CRISPLD2: variants seen among roughly 807,000 people sequenced by gnomAD.
CRISPLD2 encodes cysteine-rich secretory protein LCCL domain-containing 2.
A neutral mutation model predicts 71.1 loss-of-function variants in CRISPLD2; 47 were observed. The ratio of observed to expected loss-of-function variants is 0.66; its 90% CI spans 0.52 to 0.84. The LOEUF (loss-of-function observed/expected upper bound fraction) is 0.84, where lower values mean the gene tolerates loss of function less well. Ranked by LOEUF, CRISPLD2 falls within the 40% of genes least tolerant of loss-of-function variation. The pLI is 0.00. For synonymous variants in CRISPLD2, 317 were observed against 250.1 expected (o/e 1.27, Z -2.52); for missense variants, 830 against 651.1 (o/e 1.27, Z -2.99).
At chr16:84,893,398 C>T (rs968258737) in intron 14 of CRISPLD2, among the ~76,000 whole-genome samples, 1 of 152,206 alleles carries the variant, frequency 6.6e-6, no homozygotes, top group Non-Finnish European at 1.5e-5. Flanking sequence ...CATGACTTAT[C>T]TCTCAGGATG....
intron 13 of CRISPLD2, among the ~76,000 whole-genome samples, chr16:84,884,089 C>T (rs899895818): frequency 6.6e-6 from 1 of 152,178 alleles, no homozygotes; most frequent in African/African-American, 2.4e-5. Flanking sequence ...AAGTGATCTG[C>T]CTGCCTCTGC....
intron 11 of CRISPLD2, among the ~76,000 whole-genome samples, chr16:84,876,981 G>C (rs1419720027): frequency 6.6e-6 from 1 of 152,166 alleles, no homozygotes; most frequent in South Asian, 2.1e-4. Context: ...AGCGGCAGGA[G>C]GTAGGTGGTA....
intron 14 of CRISPLD2, among the ~76,000 whole-genome samples, chr16:84,892,794 G>A (rs920449165): frequency 2.6e-5 from 4 of 151,862 alleles, no homozygotes; most frequent in African/African-American, 7.3e-5. Context: ...TGACCAACAT[G>A]GTGAAGCCCC....
chr16:84,852,797 G>A (rs1194982854), intron 5 of CRISPLD2, among the ~76,000 whole-genome samples: 2 of 152,158 alleles, frequency 1.3e-5, no homozygotes, highest in African/African-American at 2.4e-5. Context: ...TGGCCAGTGC[G>A]GTGGCTCATG....
At chr16:84,889,153 G>A in intron 13 of CRISPLD2, 77 bp from the exon 14 acceptor site, 1 of 1,601,284 alleles carries the variant, frequency 6.2e-7, no homozygotes, top group Non-Finnish European at 8.5e-7. Context: ...GCCCAGCAGT[G>A]AATGATGGAG....
chr16:84,882,136 A>G (rs1192584877), intron 13 of CRISPLD2, among the ~76,000 whole-genome samples: 1 of 152,178 alleles, frequency 6.6e-6, no homozygotes, highest in Non-Finnish European at 1.5e-5. Context: ...ATGATTTAAA[A>G]ATAAAGAGCT....
intron 3 of CRISPLD2, among the ~76,000 whole-genome samples, chr16:84,848,577 A>C (rs1183778123): frequency 6.6e-6 from 1 of 152,050 alleles, no homozygotes; most frequent in Non-Finnish European, 1.5e-5. Context: ...GTGGCTGCAG[A>C]TTACAGGCAT....
chr16:84,867,023 C>T lies in CRISPLD2; in HGVS notation c.836C>T (p.Ser279Phe), dbSNP rs575028796. The change falls in exon 7 of 15, where the codon TCT becomes TTT. Residue 279 changes from serine (S) to phenylalanine (F), a missense_variant. Physicochemically the swap from Ser to Phe is radical, Grantham distance 155. Transcript: ENST00000262424. ...VMRPTKPKKT[S>F]AVNYMTQVVR... is the part of the protein sequence containing the mutation. Reference sequence around the variant, plus strand: ...AGACCCACCAAGCCCAAGAAAACCTCTGCGGTCAACTACATGAGTGAGTCT... The same window carrying T: ...AGACCCACCAAGCCCAAGAAAACCTTTGCGGTCAACTACATGAGTGAGTCT... 6.3e-5 allele frequency: 101 copies of T among 1,614,100 alleles called. 2 individuals are homozygous for T. In the South Asian group the frequency reaches 1.1e-3, roughly 17 times the overall value.
At chr16:84,847,511 C>T (rs910392132) in intron 3 of CRISPLD2, among the ~76,000 whole-genome samples, 2 of 152,012 alleles carry the variant, frequency 1.3e-5, no homozygotes, top group Non-Finnish European at 1.5e-5. Context: ...ATTAGCCAGG[C>T]GTGGTGGCAG....
chr16:84,827,102 C>T (rs902482774), intron 1 of CRISPLD2, among the ~76,000 whole-genome samples: 2 of 151,502 alleles, frequency 1.3e-5, no homozygotes, highest in Non-Finnish European at 2.9e-5. Flanking sequence ...CCTGGCCGGC[C>T]CCCAGAAGCC....
chr16:84,888,891 G>A (rs1353902012), intron 13 of CRISPLD2, among the ~76,000 whole-genome samples: 2 of 152,184 alleles, frequency 1.3e-5, no homozygotes, highest in African/African-American at 2.4e-5. Context: ...CTTCATAGCC[G>A]ATGCTACCTC....
chr16:84,885,202 A>T (rs1406557157), intron 13 of CRISPLD2, among the ~76,000 whole-genome samples: 3 of 152,162 alleles, frequency 2.0e-5, no homozygotes, highest in Admixed American at 6.5e-5. Flanking sequence ...TCCAAGCACC[A>T]AGGCTTCCGC....
At chr16:84,834,206 C>T (rs770063759) in intron 1 of CRISPLD2, among the ~76,000 whole-genome samples, 12 of 152,184 alleles carry the variant, frequency 7.9e-5, no homozygotes, top group African/African-American at 1.9e-4. Flanking sequence ...GGAGGTCAGG[C>T]GCTCACACCA....
Position 84,905,436 on chromosome 16 carries a change from C to G in CRISPLD2, c.1440-1152C>G, listed in dbSNP as rs914041378. 3.9e-5 allele frequency among the ~76,000 whole-genome samples: 6 copies of G among 151,926 alleles called. No individual in the cohort carries two copies. In the South Asian group the frequency reaches 1.2e-3, roughly 32 times the overall value. ...GTTTTTTGAAACAGAGTCTCACTCT[C>G]TTGCCCAGGCTGGAGTGCAGTGGCA... On this transcript the variant is annotated intron_variant, in intron 14 of 14. Coordinates refer to ENST00000262424, the MANE Select transcript of CRISPLD2 (RefSeq NM_031476.4).
At chr16:84,844,552 G>A (rs138652274) in intron 2 of CRISPLD2, among the ~76,000 whole-genome samples, 33 of 151,680 alleles carry the variant, frequency 2.2e-4, no homozygotes, top group African/African-American at 6.8e-4. Context: ...TAGTAGAGAC[G>A]GGGTTTCACT....
Position 84,838,687 on chromosome 16 carries a change from C to G in CRISPLD2, c.192C>G (p.Asn64Lys). The change falls in exon 2 of 15, where the codon AAC becomes AAG. Residue 64 changes from asparagine (N) to lysine (K), a missense_variant. Physicochemically the swap from Asn to Lys is moderately conservative, Grantham distance 94. Transcript: ENST00000262424. Reference protein sequence around the residue: ...EDKEEILMLHNKLRGQVQPQA... With the variant: ...EDKEEILMLHKKLRGQVQPQA... ...AGGAGGAGATCCTCATGCTGCACAA[C>G]AAGCTTCGGGGCCAGGTGCAGCCTC... The G allele has an allele frequency of 3.1e-6, 5 of 1,614,176 alleles. No individual in the cohort carries two copies. Among genetic ancestry groups the G allele is most frequent in the Non-Finnish European group, 4.2e-6 (5 of 1,180,038 alleles).
At chr16:84,853,028 C>T (rs1419324563) in intron 5 of CRISPLD2, among the ~76,000 whole-genome samples, 2 of 152,150 alleles carry the variant, frequency 1.3e-5, no homozygotes, top group South Asian at 2.1e-4. Context: ...GGTCACACCA[C>T]TGCACTCCAG....
rs531578597 is a variant in CRISPLD2 at position 84,906,784 on chromosome 16, T to G, written c.*142T>G. The G allele has an allele frequency of 5.0e-5, 47 of 949,370 alleles. No homozygotes were observed. In the African/African-American group the frequency reaches 7.4e-4, roughly 15 times the overall value. The allele number at this position is 949,370 out of a possible 1,614,324, so 58.8% of individuals were successfully genotyped here. A position where few individuals can be genotyped will look rare whatever the true frequency, so the allele number is the denominator to read the frequency against. ...TCAGTGTCCATCACTTTGTGGCCTG[T>G]GGGTGAGGTGACATCTCATCCCCTC... On this transcript the variant is annotated 3_prime_UTR_variant, in exon 15 of 15. Coordinates refer to ENST00000262424, the MANE Select transcript of CRISPLD2 (RefSeq NM_031476.4).
At chr16:84,832,463 C>T (rs1478923531) in intron 1 of CRISPLD2, among the ~76,000 whole-genome samples, 1 of 152,270 alleles carries the variant, frequency 6.6e-6, no homozygotes, top group Non-Finnish European at 1.5e-5. Flanking sequence ...TCTGATCTAG[C>T]TGGGAGCAGG....
Sources: gnomAD v4.1 joint callset for allele counts (sites outside exome capture counted in the v4.1 genomes callset) on GRCh38, gnomAD v4.1.1 for gene constraint, MANE v1.5 for transcripts, NCBI Gene and HGNC (gene_info 2026-07-23, HGNC 2026-07-21) for gene names.